PTGIS: variants seen among roughly 807,000 people sequenced by gnomAD.
PTGIS encodes prostacyclin synthase.
Under a neutral mutation model 50.3 loss-of-function variants are expected in PTGIS, and 45 were observed. The observed-to-expected ratio is 0.90, with a 90% CI of 0.70 to 1.15. PTGIS has a LOEUF of 1.15. Among genes scored for constraint, PTGIS ranks in the 50% most tolerant of loss-of-function variants. The pLI is 0.00. For missense variants in PTGIS, 668 were observed against 661.3 expected (o/e 1.01, Z -0.11); for synonymous variants, 260 against 267.7 (o/e 0.97, Z 0.28).
At position 49,547,932 on chromosome 20, in the gene PTGIS, A is replaced by T; in HGVS notation, c.286T>A (p.Phe96Ile). ...VVWEPRTRLD[F>I]HAYAIFLMER... ...ATGAGGAAGATGGCATAGGCATGGA[A>T]GTCGAGCCTGGTGCGAGGCTCCCAC... is the stretch of plus-strand genomic sequence containing the variant. The change falls in exon 3 of 10, where the codon TTC becomes ATC. Residue 96 changes from phenylalanine (F) to isoleucine (I), a missense_variant. By Grantham distance (21) the Phe-to-Ile change is conservative. Transcript: ENST00000244043. 1 of 1,614,152 alleles carries T rather than the reference A, an allele frequency of 6.2e-7. No homozygotes were observed. The highest frequency in any genetic ancestry group is 1.1e-5 in the South Asian group (1 of 91,082).
intron 2 of PTGIS, among the ~76,000 whole-genome samples, chr20:49,548,509 A>T (rs550779568): frequency 1.3e-4 from 20 of 151,784 alleles, no homozygotes; most frequent in Non-Finnish European, 2.5e-4. Flanking sequence ...GATGGAAGGA[A>T]GGATGGATGG....
chr20:49,536,725 C>T (rs534155269), intron 5 of PTGIS, among the ~76,000 whole-genome samples: 1 of 152,148 alleles, frequency 6.6e-6, no homozygotes, highest in East Asian at 1.9e-4. Flanking sequence ...TTAGGTGATC[C>T]ACCCGTCACG....
intron 1 of PTGIS, among the ~76,000 whole-genome samples, chr20:49,564,196 T>C (rs1449999558): frequency 1.3e-5 from 2 of 152,224 alleles, no homozygotes; most frequent in Admixed American, 6.5e-5. Flanking sequence ...GAAAATAGAA[T>C]TGTAGTTGTC....
chr20:49,547,811 C>T (rs1982401388), intron 3 of PTGIS, 30 bp downstream of exon 3: 1 of 1,613,228 alleles, frequency 6.2e-7, no homozygotes, highest in Non-Finnish European at 8.5e-7. Flanking sequence ...CACCCTGGCC[C>T]TCCCACAGGT....
intron 8 of PTGIS, 122 bp downstream of exon 8, chr20:49,512,958 T>C (rs1175964626): frequency 8.2e-7 from 1 of 1,214,194 alleles, no homozygotes; most frequent in Non-Finnish European, 1.2e-6. Context: ...GGTGAAGCAA[T>C]CTGGGCAATG....
chr20:49,560,520 T>A lies in PTGIS; in HGVS notation c.74+7523A>T, dbSNP rs562138428. Among the ~76,000 whole-genome samples, 6 of 152,246 alleles carry A rather than the reference T, an allele frequency of 3.9e-5. No individual in the cohort carries two copies. In the East Asian group the frequency reaches 1.2e-3, roughly 29 times the overall value. ...GCCCAGCCCAAAAGGGTGAACTAAA[T>A]GGGATATGAATTATATTCCATTAAA... On this transcript the variant is annotated intron_variant, in intron 1 of 9. Transcript: ENST00000244043.
Position 49,508,342 on chromosome 20 carries a change from G to A in PTGIS, c.1359-278C>T, listed in dbSNP as rs1981213474. Among the ~76,000 whole-genome samples, 4 of 152,208 alleles carry A rather than the reference G, an allele frequency of 2.6e-5. No individual in the cohort carries two copies. The South Asian group carries it at 8.3e-4, about 32-fold the overall frequency. On this transcript the variant is annotated intron_variant, in intron 9 of 9. Transcript: ENST00000244043. ...CAAAGCATTCGCGAGCCAGTGTGTGGCTCTCCAGCTGTCCCTCCTGCCTGG... is the reference window on the plus strand; with the variant it reads ...CAAAGCATTCGCGAGCCAGTGTGTGACTCTCCAGCTGTCCCTCCTGCCTGG...
chr20:49,537,264 G>C (rs1262300178), intron 5 of PTGIS, among the ~76,000 whole-genome samples: 2 of 152,198 alleles, frequency 1.3e-5, no homozygotes, highest in African/African-American at 4.8e-5. Context: ...CCAGGGAATG[G>C]CGCCGCCCAG....
chr20:49,561,843 A>C (rs1215822735), intron 1 of PTGIS, among the ~76,000 whole-genome samples: 1 of 152,190 alleles, frequency 6.6e-6, no homozygotes, highest in Non-Finnish European at 1.5e-5. Flanking sequence ...GAGCAGTAAG[A>C]TTCCTGGGCA....
intron 2 of PTGIS, among the ~76,000 whole-genome samples, chr20:49,548,471 G>A (rs1982421938): frequency 1.3e-5 from 2 of 152,102 alleles, no homozygotes; most frequent in Admixed American, 1.3e-4. Flanking sequence ...TGGATGGATG[G>A]TTGGATGGAA....
At chr20:49,567,933 T>G in intron 1 of PTGIS, 110 bp downstream of exon 1, 1 of 1,065,958 alleles carries the variant, frequency 9.4e-7, no homozygotes, top group Non-Finnish European at 1.2e-6. Flanking sequence ...CCCGGGATAC[T>G]GGAGCGGGAC....
chr20:49,515,256 C>T (rs1037112640), intron 6 of PTGIS, among the ~76,000 whole-genome samples: 1 of 152,074 alleles, frequency 6.6e-6, no homozygotes, highest in Admixed American at 6.6e-5. Flanking sequence ...AAAACAAAGC[C>T]GCAATCATCA....
intron 3 of PTGIS, among the ~76,000 whole-genome samples, 183 bp downstream of exon 3, chr20:49,547,658 G>A (rs1187926438): frequency 6.6e-6 from 1 of 151,968 alleles, no homozygotes; most frequent in East Asian, 1.9e-4. Context: ...AGAGATGAGA[G>A]ACAAAGAGTT....
intron 5 of PTGIS, among the ~76,000 whole-genome samples, chr20:49,528,605 G>C (rs139318741): frequency 0.012 from 1,761 of 152,224 alleles, 33 homozygotes; most frequent in African/African-American, 0.036. Context: ...GGACAACAGA[G>C]CAAGCAAGAC....
intron 8 of PTGIS, among the ~76,000 whole-genome samples, chr20:49,512,035 G>C (rs1252745425): frequency 6.6e-6 from 1 of 152,010 alleles, no homozygotes; most frequent in Non-Finnish European, 1.5e-5. Flanking sequence ...ACATATGAGT[G>C]AGTGGGTAGA....
chr20:49,538,807 G>C (rs915591558), intron 5 of PTGIS, among the ~76,000 whole-genome samples: 1 of 151,918 alleles, frequency 6.6e-6, no homozygotes, highest in Non-Finnish European at 1.5e-5. Context: ...TCAGCTTCCC[G>C]AGTAGCCAGG....
At chr20:49,529,474 G>T (rs556195444) in intron 5 of PTGIS, among the ~76,000 whole-genome samples, 133 of 152,238 alleles carry the variant, frequency 8.7e-4, no homozygotes, top group Non-Finnish European at 1.6e-3. Context: ...TTCTTTCGTG[G>T]ATTTACATAC....
At chr20:49,529,242 T>C (rs1281164836) in intron 5 of PTGIS, among the ~76,000 whole-genome samples, 2 of 152,200 alleles carry the variant, frequency 1.3e-5, no homozygotes, top group Non-Finnish European at 2.9e-5. Flanking sequence ...ACTCAAAGTT[T>C]ATACCCTCAA....
rs754633830 is a variant in PTGIS, at chr20:49,513,327, A to G, written c.1025-66T>C. On this transcript the variant is annotated intron_variant, in intron 7 of 9. Transcript: ENST00000244043. ...CTTCACCTGCTCATATGCCAACCCC[A>G]GCTCTTATTTTACAGAGGAAGATGA... 2.9e-5 allele frequency: 44 copies of G among 1,539,746 alleles called. 1 individual carries two copies. The highest frequency in any genetic ancestry group is 4.4e-4 in the Middle Eastern group (2 of 4,506).
Sources: gnomAD v4.1 joint callset for allele counts (sites outside exome capture counted in the v4.1 genomes callset) on GRCh38, gnomAD v4.1.1 for gene constraint, MANE v1.5 for transcripts, NCBI Gene and HGNC (gene_info 2026-07-23, HGNC 2026-07-21) for gene names.